Variants in NFIA observed in about 807,000 individuals in gnomAD.
NFIA encodes the protein nuclear factor 1 A-type.
Under a neutral mutation model 62.8 loss-of-function variants are expected in NFIA, and 8 were observed. That is an observed-to-expected ratio of 0.13 (90% CI 0.07 to 0.23). NFIA has a LOEUF of 0.23. Ranked by LOEUF, NFIA falls within the 10% of genes least tolerant of loss-of-function variation. NFIA has a pLI of 1.00. For synonymous variants in NFIA, 235 were observed against 238.1 expected (o/e 0.99, Z 0.12); for missense variants, 410 against 642.1 (o/e 0.64, Z 3.91).
chr1:61,359,416 T>C, intron 6 of NFIA, 142 bp downstream of exon 6: 1 of 1,209,050 alleles, frequency 8.3e-7, no homozygotes, highest in Non-Finnish European at 1.1e-6. Context: ...TGTATTGTAA[T>C]CTGATTGCCA....
At chr1:61,120,454 A>G (rs1321670727) in intron 2 of NFIA, among the ~76,000 whole-genome samples, 6 of 152,138 alleles carry the variant, frequency 3.9e-5, no homozygotes, top group Non-Finnish European at 8.8e-5. Flanking sequence ...TTGTTACTAC[A>G]CAGGGTTGAG....
intron 7 of NFIA, among the ~76,000 whole-genome samples, chr1:61,388,645 C>T (rs1457300392): frequency 2.6e-5 from 4 of 152,150 alleles, no homozygotes; most frequent in African/African-American, 9.7e-5. Context: ...CAGAGAGCAG[C>T]CTACACGATC....
chr1:61,224,306 A>G (rs560973184), intron 2 of NFIA, among the ~76,000 whole-genome samples: 8 of 152,292 alleles, frequency 5.3e-5, no homozygotes, highest in East Asian at 1.9e-4. Flanking sequence ...CTTATGCTCC[A>G]TAGAAAAAAG....
chr1:61,420,996 G>A (rs1666592544), intron 9 of NFIA, among the ~76,000 whole-genome samples: 1 of 151,904 alleles, frequency 6.6e-6, no homozygotes. Flanking sequence ...CTCCACAATT[G>A]CCAGCTCCGT....
At chr1:61,284,928 C>T (rs532191374) in intron 3 of NFIA, among the ~76,000 whole-genome samples, 48 of 152,210 alleles carry the variant, frequency 3.2e-4, no homozygotes, top group Admixed American at 3.1e-3. Context: ...TTGAATGTAA[C>T]GTTCCAAGTA....
chr1:61,413,584 T>C (rs970517622), intron 9 of NFIA, among the ~76,000 whole-genome samples: 2 of 151,434 alleles, frequency 1.3e-5, no homozygotes, highest in Non-Finnish European at 2.9e-5. Flanking sequence ...TGTCTGCTAC[T>C]GTCAGAAATT....
At chr1:61,186,564 A>G (rs1323372670) in intron 2 of NFIA, among the ~76,000 whole-genome samples, 1 of 152,220 alleles carries the variant, frequency 6.6e-6, no homozygotes, top group East Asian at 1.9e-4. Flanking sequence ...AAGACCTCTC[A>G]CATTATGTGA....
chr1:61,151,464 C>T (rs1648406458), intron 2 of NFIA, among the ~76,000 whole-genome samples: 1 of 149,772 alleles, frequency 6.7e-6, no homozygotes, highest in Non-Finnish European at 1.5e-5. Flanking sequence ...TCATTTTAGT[C>T]TGCGGGTGAT....
intron 3 of NFIA, among the ~76,000 whole-genome samples, chr1:61,319,870 C>G (rs1660584849): frequency 6.6e-6 from 1 of 150,674 alleles, no homozygotes; most frequent in Admixed American, 6.6e-5. Context: ...TAAGCCAGGA[C>G]CAGGAAACAA....
At chr1:61,188,838 A>G (rs1651398009) in intron 2 of NFIA, among the ~76,000 whole-genome samples, 1 of 152,194 alleles carries the variant, frequency 6.6e-6, no homozygotes, top group Admixed American at 6.5e-5. Flanking sequence ...AAGTCATACT[A>G]ATTGGTGCCT....
chr1:61,415,153 G>A (rs1449110029), intron 9 of NFIA, among the ~76,000 whole-genome samples: 3 of 152,160 alleles, frequency 2.0e-5, no homozygotes, highest in Non-Finnish European at 4.4e-5. Flanking sequence ...TATTAGAGAA[G>A]CAAAAGGGGT....
At chr1:61,239,859 A>G (rs1160375620) in intron 2 of NFIA, among the ~76,000 whole-genome samples, 1 of 152,142 alleles carries the variant, frequency 6.6e-6, no homozygotes. Flanking sequence ...ATAAAGAAAC[A>G]GGCAAATTCT....
At chr1:61,418,069 T>C (rs1232682329) in intron 9 of NFIA, among the ~76,000 whole-genome samples, 1 of 152,228 alleles carries the variant, frequency 6.6e-6, no homozygotes, top group East Asian at 1.9e-4. Flanking sequence ...TATTTTCTAT[T>C]TACTATGTTG....
At chr1:61,292,825 T>C (rs1211110792) in intron 3 of NFIA, among the ~76,000 whole-genome samples, 2 of 152,194 alleles carry the variant, frequency 1.3e-5, no homozygotes, top group African/African-American at 4.8e-5. Context: ...TATCCCAGTA[T>C]TTCTGTGCAT....
At chr1:61,089,862 G>C (rs974552816) in intron 2 of NFIA, among the ~76,000 whole-genome samples, 1 of 152,016 alleles carries the variant, frequency 6.6e-6, no homozygotes, top group Non-Finnish European at 1.5e-5. Context: ...GAGAACTTTT[G>C]TTATCCATCT....
intron 9 of NFIA, among the ~76,000 whole-genome samples, chr1:61,425,326 GA>G (rs535984751): frequency 8.7e-5 from 13 of 149,348 alleles, no homozygotes; most frequent in Non-Finnish European, 1.3e-4. Flanking sequence ...TGTCAATAAG[GA>G]AAAAAAAAAT....
intron 3 of NFIA, among the ~76,000 whole-genome samples, chr1:61,292,745 AC>A (rs1658969488): frequency 6.6e-6 from 1 of 152,208 alleles, no homozygotes; most frequent in Non-Finnish European, 1.5e-5. Flanking sequence ...CCTAGATGTT[AC>A]TTAGAGCTTT....
chr1:61,138,288 G>A (rs565239556), intron 2 of NFIA, among the ~76,000 whole-genome samples: 165 of 152,138 alleles, frequency 1.1e-3, no homozygotes, highest in Non-Finnish European at 1.8e-3. Flanking sequence ...TAAAGATAGG[G>A]TCTCACCATG....
chr1:61,350,646 CAAAG>C (rs1557724706), intron 4 of NFIA, among the ~76,000 whole-genome samples: 1 of 151,742 alleles, frequency 6.6e-6, no homozygotes, highest in East Asian at 1.9e-4. Context: ...GTCTCTAAAA[CAAAG>C]AAAGAAAAAC....
Sources: allele counts gnomAD v4.1 joint callset (sites outside exome capture counted in the v4.1 genomes callset), GRCh38; gene constraint gnomAD v4.1.1; transcripts MANE v1.5; gene names NCBI Gene and HGNC (gene_info 2026-07-23, HGNC 2026-07-21).